The following NHSL1 variants were observed in gnomAD, a reference collection of about 807,000 sequenced individuals.
NHSL1 encodes NHS like 1.
NHSL1 carries 48 observed loss-of-function variants against 95.0 expected under a neutral mutation model. That is an observed-to-expected ratio of 0.51 (90% CI 0.40 to 0.64). The LOEUF is 0.64. NHSL1 is among the 30% of genes least tolerant of loss of function. The pLI, the probability that NHSL1 is intolerant of heterozygous loss-of-function variation, is 0.00. For synonymous variants in NHSL1, 783 were observed against 833.9 expected (o/e 0.94, Z 1.05); for missense variants, 1,971 against 2,077.7 (o/e 0.95, Z 1.00).
At chr6:138,463,573 G>T (rs1778141068) in intron 3 of NHSL1, among the ~76,000 whole-genome samples, 2 of 148,428 alleles carry the variant, frequency 1.3e-5, no homozygotes, top group African/African-American at 5.0e-5. Context: ...TGAGCTGAAC[G>T]TGCAGGTTTG....
At chr6:138,493,681 G>A (rs554848335) in intron 2 of NHSL1, among the ~76,000 whole-genome samples, 1 of 152,328 alleles carries the variant, frequency 6.6e-6, no homozygotes, top group South Asian at 2.1e-4. Context: ...TCCTGGGAAC[G>A]GTGCCATTTA....
upstream of NHSL1, among the ~76,000 whole-genome samples, chr6:138,548,017 G>A (rs1782869618): frequency 6.6e-6 from 1 of 152,132 alleles, no homozygotes; most frequent in Non-Finnish European, 1.5e-5. Context: ...ATGAGACCGA[G>A]TCTCACTCTG....
upstream of NHSL1, among the ~76,000 whole-genome samples, chr6:138,501,477 G>A (rs1333384908): frequency 2.0e-5 from 3 of 152,194 alleles, no homozygotes; most frequent in African/African-American, 7.2e-5. Context: ...AGTCAGGGTG[G>A]TCCTCGTGAA....
At chr6:138,527,030 T>C (rs969348917) in intron 1 of NHSL1, among the ~76,000 whole-genome samples, 3 of 152,216 alleles carry the variant, frequency 2.0e-5, no homozygotes, top group South Asian at 4.1e-4. Context: ...CCCTGTCATG[T>C]GTCTAACATT....
chr6:138,664,085 T>C (rs1785264495), intron 1 of NHSL1, among the ~76,000 whole-genome samples: 2 of 152,202 alleles, frequency 1.3e-5, no homozygotes, highest in African/African-American at 2.4e-5. Context: ...CAAATGCGGA[T>C]TAGATAATGG....
At position 138,424,088 on chromosome 6, in the gene NHSL1, T is replaced by C. The variant is rs1775082396; in HGVS notation, c.4814A>G (p.Glu1605Gly). The C allele has an allele frequency of 2.2e-6, 3 of 1,388,414 alleles. No homozygotes were observed. Among genetic ancestry groups the C allele is most frequent in the Non-Finnish European group, 2.8e-6 (3 of 1,072,978 alleles). The allele number at this position is 1,388,414 out of a possible 1,614,324, so 86.0% of individuals were successfully genotyped here. ...AGAGTTACGTTCTTGGCCCTAACTC[T>C]CCTCGCTCAGAGAACCGCCACACTG... ...SPQCGGSLSE[E>G]S The change falls in exon 8 of 8, where the codon GAG becomes GGG. Residue 1605 changes from glutamate to glycine, a missense_variant. By Grantham distance (98) the Glu-to-Gly change is moderately conservative. Transcript: ENST00000343505. The surrounding 1 kb of genome is among the most constrained non-coding windows in gnomAD (Gnocchi z 5.9).
exon 1 of NHSL1, chr6:138,571,881 T>C: frequency 6.4e-7 from 1 of 1,551,698 alleles, no homozygotes; most frequent in Non-Finnish European, 8.7e-7. Flanking sequence ...GGCTGGAGTC[T>C]GAAGGAACCT....
intron 1 of NHSL1, among the ~76,000 whole-genome samples, chr6:138,537,334 C>T (rs965102885): frequency 2.0e-5 from 3 of 152,176 alleles, no homozygotes; most frequent in African/African-American, 7.2e-5. Flanking sequence ...ATATATGTGA[C>T]TTGTAATACT....
intron 3 of NHSL1, among the ~76,000 whole-genome samples, chr6:138,453,338 A>T (rs1777364860): frequency 6.6e-6 from 1 of 151,484 alleles, no homozygotes; most frequent in Non-Finnish European, 1.5e-5. Flanking sequence ...TGCTTTATCA[A>T]GAGCTTTAAA....
intron 1 of NHSL1, among the ~76,000 whole-genome samples, chr6:138,551,097 G>C (rs1782985606): frequency 6.6e-6 from 1 of 152,088 alleles, no homozygotes; most frequent in Non-Finnish European, 1.5e-5. Flanking sequence ...ACAGCATACT[G>C]TTATAATTTT....
At chr6:138,673,031 G>GTAGATAGA (rs113615261) in intron 1 of NHSL1, among the ~76,000 whole-genome samples, 229 of 148,162 alleles carry the variant, frequency 1.5e-3, no homozygotes, top group Non-Finnish European at 2.2e-3. Context: ...AGATAGATAG[G>GTAGATAGA]TAGATAGATA....
In NHSL1 at chr6:138,609,315, G is replaced by A. The variant is rs530667871; in HGVS notation, c.96+83161C>T. Among the ~76,000 whole-genome samples, 243 of 152,244 alleles carry A rather than the reference G, an allele frequency of 1.6e-3. 1 individual carries two copies. Among genetic ancestry groups the A allele is most frequent in the Non-Finnish European group, 2.8e-3 (190 of 68,022 alleles). On this transcript the variant is annotated intron_variant, in intron 1 of 3. Coordinates refer to the NHSL1 transcript ENST00000491526. ...GTGGATGTCAGGAAGAATGTGAGAC[G>A]CAGAGTCGAGGCTGCTTGGGAAAGC... is the stretch of plus-strand genomic sequence containing the variant.
intron 2 of NHSL1, among the ~76,000 whole-genome samples, chr6:138,481,028 C>T (rs1268017548): frequency 6.6e-6 from 1 of 152,100 alleles, no homozygotes; most frequent in African/African-American, 2.4e-5. Context: ...TTATTAATAA[C>T]AGGGTAAAAG....
chr6:138,544,053 A>C (rs1191068640), intron 1 of NHSL1, among the ~76,000 whole-genome samples: 2 of 152,216 alleles, frequency 1.3e-5, no homozygotes, highest in Non-Finnish European at 2.9e-5. Flanking sequence ...TGTTATGGGA[A>C]TAGGTGGAGA....
intron 3 of NHSL1, among the ~76,000 whole-genome samples, chr6:138,472,699 T>C (rs748188773): frequency 1.3e-5 from 2 of 152,242 alleles, no homozygotes; most frequent in Non-Finnish European, 2.9e-5. Flanking sequence ...GTATTTAGTA[T>C]TGAGAAAATT....
intron 2 of NHSL1, among the ~76,000 whole-genome samples, chr6:138,489,801 A>AGG (rs1454605824): frequency 1.2e-3 from 149 of 128,432 alleles, no homozygotes; most frequent in East Asian, 2.9e-3. Flanking sequence ...GAAAGAAAGA[A>AGG]GAGAGAGGGA....
chr6:138,489,905 C>CGAGAGGGG (rs1207605986), intron 2 of NHSL1, among the ~76,000 whole-genome samples: 1 of 13,428 alleles, frequency 7.4e-5, no homozygotes, highest in South Asian at 4.3e-3. Flanking sequence ...AGGGAGAGAG[C>CGAGAGGGG]GAGAGGGGGA....
intron 1 of NHSL1, among the ~76,000 whole-genome samples, chr6:138,544,977 T>G (rs1782726040): frequency 1.4e-5 from 2 of 139,754 alleles, no homozygotes; most frequent in African/African-American, 2.7e-5. Context: ...GTATGTTCTT[T>G]CTTTTCTTTT....
In NHSL1 at chr6:138,422,797, A is replaced by C. The variant is rs1774998778; in HGVS notation, c.*1284T>G. 6.6e-6 allele frequency: 1 copy of C among 151,972 alleles called. No individual in the cohort carries two copies. The highest frequency in any genetic ancestry group is 6.6e-5 in the Admixed American group (1 of 15,248). 9.4% of individuals were successfully genotyped at this position (151,972 alleles called of 1,614,324 possible). ...TAAAAATGCACAAACCAAATGATGC[A>C]AAAAAACCTTTTTAATCTAAAAATT... On this transcript the variant is annotated 3_prime_UTR_variant, in exon 8 of 8. Coordinates refer to ENST00000343505, the MANE Select transcript of NHSL1 (RefSeq NM_001144060.2).
Sources: allele counts gnomAD v4.1 joint callset (sites outside exome capture counted in the v4.1 genomes callset), GRCh38; gene constraint gnomAD v4.1.1; non-coding constraint Gnocchi (gnomAD v3.1); transcripts MANE v1.5; gene names NCBI Gene and HGNC (gene_info 2026-07-23, HGNC 2026-07-21).